The following CNTN6 variants were observed in gnomAD, a reference collection of about 807,000 sequenced individuals.
The protein encoded by CNTN6 is contactin 6.
Under a neutral mutation model 122.8 loss-of-function variants are expected in CNTN6, and 137 were observed. The ratio of observed to expected loss-of-function variants is 1.12; its 90% CI spans 0.97 to 1.29. The LOEUF (loss-of-function observed/expected upper bound fraction) is 1.29. CNTN6 is among the 50% of genes most tolerant of loss of function. The pLI is 0.00. For missense variants in CNTN6, 1,634 were observed against 1,223.4 expected (o/e 1.34, Z -5.01); for synonymous variants, 570 against 426.0 (o/e 1.34, Z -4.16).
chr3:1,254,284 A>G (rs1259208516), intron 4 of CNTN6, among the ~76,000 whole-genome samples: 2 of 152,068 alleles, frequency 1.3e-5, no homozygotes, highest in Admixed American at 1.3e-4. Flanking sequence ...TGTTTATAAT[A>G]TTTATATAAA....
chr3:1,285,752 G>C (rs1694222083), intron 5 of CNTN6, among the ~76,000 whole-genome samples: 1 of 152,152 alleles, frequency 6.6e-6, no homozygotes, highest in African/African-American at 2.4e-5. Context: ...CTAAACATCA[G>C]TGCATTTATT....
At chr3:1,343,490 T>C (rs1704193466) in intron 11 of CNTN6, among the ~76,000 whole-genome samples, 2 of 152,166 alleles carry the variant, frequency 1.3e-5, no homozygotes, top group South Asian at 4.1e-4. Context: ...ATAATGTGGT[T>C]GTTTGACTAA....
intron 4 of CNTN6, among the ~76,000 whole-genome samples, chr3:1,254,913 G>T (rs752608303): frequency 6.6e-6 from 1 of 152,076 alleles, no homozygotes; most frequent in East Asian, 1.9e-4. Flanking sequence ...GGTTTACTCG[G>T]TGGTTCCTCT....
At chr3:1,112,164 T>C (rs1454605350) in intron 1 of CNTN6, among the ~76,000 whole-genome samples, 1 of 152,180 alleles carries the variant, frequency 6.6e-6, no homozygotes, top group Non-Finnish European at 1.5e-5. Flanking sequence ...CACCTGTTAC[T>C]TCTCAAGTAC....
intron 2 of CNTN6, among the ~76,000 whole-genome samples, chr3:1,155,782 C>T (rs2125212099): frequency 6.8e-6 from 1 of 146,622 alleles, no homozygotes; most frequent in East Asian, 2.1e-4. Flanking sequence ...CAAGTTGATC[C>T]ACCATTGCCT....
At chr3:1,208,113 T>C (rs1343121958) in intron 2 of CNTN6, among the ~76,000 whole-genome samples, 1 of 152,096 alleles carries the variant, frequency 6.6e-6, no homozygotes, top group Non-Finnish European at 1.5e-5. Flanking sequence ...ATAATCTCCT[T>C]GATCTGTGGT....
chr3:1,192,896 A>G (rs1284655079), intron 2 of CNTN6, among the ~76,000 whole-genome samples: 1 of 152,294 alleles, frequency 6.6e-6, no homozygotes, highest in African/African-American at 2.4e-5. Context: ...CACAGCAATT[A>G]AACTCCACGT....
intron 4 of CNTN6, among the ~76,000 whole-genome samples, chr3:1,246,979 C>T (rs775353417): frequency 6.6e-6 from 1 of 152,104 alleles, no homozygotes; most frequent in Non-Finnish European, 1.5e-5. Context: ...TTTTCACTCT[C>T]TTAATCATGT....
chr3:1,141,064 A>C (rs1287883730), intron 1 of CNTN6, among the ~76,000 whole-genome samples: 3 of 152,182 alleles, frequency 2.0e-5, no homozygotes, highest in African/African-American at 7.2e-5. Context: ...TTAATTTATT[A>C]TTGATTTAGC....
chr3:1,275,562 C>A (rs1396871566), intron 4 of CNTN6, among the ~76,000 whole-genome samples: 1 of 152,174 alleles, frequency 6.6e-6, no homozygotes, highest in African/African-American at 2.4e-5. Context: ...TTAAGAGTCA[C>A]CCCATCAGGT....
At position 1,388,560 on chromosome 3, in the gene CNTN6, G is replaced by T. The variant is rs1450369077; in HGVS notation, c.2704+2763G>T. Among the ~76,000 whole-genome samples, 14 of 150,984 alleles carry T rather than the reference G, an allele frequency of 9.3e-5. No homozygotes were observed. The East Asian group carries it at 2.7e-3, about 29-fold the overall frequency. ...CACCAGCAACGGAACAAAGCTGGAC[G>T]GAGAATGACTTTGACGAGCTGAGAG... On this transcript the variant is annotated intron_variant, in intron 20 of 22. Coordinates refer to ENST00000446702, the MANE Select transcript of CNTN6 (RefSeq NM_001289080.2).
At chr3:1,389,586 G>A (rs1693775967) in intron 20 of CNTN6, among the ~76,000 whole-genome samples, 1 of 152,036 alleles carries the variant, frequency 6.6e-6, no homozygotes, top group Admixed American at 6.6e-5. Context: ...AATGTAAATG[G>A]ACTAAATGCT....
intron 2 of CNTN6, among the ~76,000 whole-genome samples, chr3:1,176,635 A>G (rs2093454672): frequency 6.6e-6 from 1 of 152,200 alleles, no homozygotes; most frequent in African/African-American, 2.4e-5. Context: ...TAGAGAAGTT[A>G]AAAATATCTA....
intron 4 of CNTN6, among the ~76,000 whole-genome samples, chr3:1,249,405 C>A (rs907594657): frequency 1.3e-5 from 2 of 152,156 alleles, no homozygotes; most frequent in African/African-American, 2.4e-5. Flanking sequence ...AATGCAGACT[C>A]ACTTTTTAAA....
chr3:1,270,069 G>T (rs2125749512), intron 4 of CNTN6, among the ~76,000 whole-genome samples: 1 of 152,262 alleles, frequency 6.6e-6, no homozygotes, highest in South Asian at 2.1e-4. Flanking sequence ...CATTGTGCTT[G>T]ATTAGGTTAT....
At chr3:1,318,588 AG>A (rs1443017728) in intron 7 of CNTN6, among the ~76,000 whole-genome samples, 1 of 151,768 alleles carries the variant, frequency 6.6e-6, no homozygotes, top group East Asian at 1.9e-4. Context: ...GAAGTGGGGC[AG>A]GGAAGAGATA....
chr3:1,179,221 T>C (rs141175049), intron 2 of CNTN6, among the ~76,000 whole-genome samples: 55 of 152,246 alleles, frequency 3.6e-4, no homozygotes, highest in African/African-American at 1.3e-3. Flanking sequence ...GCACAAGCCA[T>C]TCATGAGGGA....
intron 14 of CNTN6, 136 bp downstream of exon 14, chr3:1,373,091 C>T (rs752045099): frequency 4.5e-5 from 26 of 581,686 alleles, no homozygotes; most frequent in Middle Eastern, 4.1e-4. Context: ...ATTTTTTAAA[C>T]CCCAGGACTC....
chr3:1,098,789 C>CACACACATATATATATAT (rs1211008614), intron 1 of CNTN6, among the ~76,000 whole-genome samples: 2 of 63,260 alleles, frequency 3.2e-5, no homozygotes, highest in Non-Finnish European at 5.5e-5. Flanking sequence ...CACACACACA[C>CACACACATATATATATAT]ATATATATAT....
Sources: allele counts gnomAD v4.1 joint callset (sites outside exome capture counted in the v4.1 genomes callset), GRCh38; gene constraint gnomAD v4.1.1; transcripts MANE v1.5; gene names NCBI Gene and HGNC (gene_info 2026-07-23, HGNC 2026-07-21).